GNAS-AS1: variants seen among roughly 807,000 people sequenced by gnomAD.
GNAS-AS1 encodes the protein GNAS antisense RNA 1 (non-protein coding).
chr20:58,850,454 G>T (rs940597954), intron 1 of GNAS-AS1: 9 of 397,692 alleles, frequency 2.3e-5, no homozygotes, highest in Non-Finnish European at 3.5e-5. Context: ...TGAGCGCGAG[G>T]CCTGACGAAA....
chr20:58,822,616 C>T (rs1600642684), intron 4 of GNAS-AS1, among the ~76,000 whole-genome samples: 3 of 152,150 alleles, frequency 2.0e-5, no homozygotes, highest in Admixed American at 1.3e-4. Context: ...GAGCAGCTTC[C>T]GGCTCCATCC....
chr20:58,831,609 C>T (rs1360834638), intron 4 of GNAS-AS1, among the ~76,000 whole-genome samples: 1 of 151,196 alleles, frequency 6.6e-6, no homozygotes, highest in African/African-American at 2.4e-5. Context: ...CCAGTCTGGG[C>T]GATAGAGCGA....
chr20:58,829,545 G>A (rs1417282171), intron 4 of GNAS-AS1, among the ~76,000 whole-genome samples: 1 of 152,214 alleles, frequency 6.6e-6, no homozygotes, highest in African/African-American at 2.4e-5. Context: ...CTGCTGACCT[G>A]TGAGTTTCCC....
chr20:58,832,600 G>A (rs1424331393), intron 4 of GNAS-AS1, among the ~76,000 whole-genome samples: 1 of 152,156 alleles, frequency 6.6e-6, no homozygotes, highest in Non-Finnish European at 1.5e-5. Flanking sequence ...GTCACGCTAA[G>A]ATACTGGGAA....
chr20:58,823,004 G>A lies in GNAS-AS1; in HGVS notation n.820-3749C>T, dbSNP rs148557614. On this transcript the variant is annotated intron_variant and non_coding_transcript_variant, in intron 4 of 4. Transcript: ENST00000424094. ...CTCTTGCCTGCCCGCCACCCCTGGC[G>A]CCTACTGTTTCCTCATATGATCCTC... Among the ~76,000 whole-genome samples the A allele has an allele frequency of 7.4e-3, 1,128 of 152,094 alleles. 15 individuals are homozygous for A. Among genetic ancestry groups the A allele is most frequent in the African/African-American group, 0.026 (1,082 of 41,476 alleles).
intron 2 of GNAS-AS1, among the ~76,000 whole-genome samples, chr20:58,843,691 T>C (rs1198713645): frequency 6.6e-6 from 1 of 152,186 alleles, no homozygotes; most frequent in Non-Finnish European, 1.5e-5. Context: ...CTAAACATGA[T>C]GATATGCCCC....
intron 4 of GNAS-AS1, chr20:58,826,243 A>G (rs80293718): frequency 0.023 from 9,174 of 395,032 alleles, 154 homozygotes; most frequent in Non-Finnish European, 0.028. Context: ...GAACATATAC[A>G]TTTTTTTGCA....
At chr20:58,838,515 TAATAC>T (rs930733388) in intron 4 of GNAS-AS1, among the ~76,000 whole-genome samples, 1 of 152,158 alleles carries the variant, frequency 6.6e-6, no homozygotes, top group African/African-American at 2.4e-5. Context: ...ATCCTTTCCT[TAATAC>T]AATACTTTTG....
chr20:58,836,331 C>A (rs2085602949), intron 4 of GNAS-AS1: 1 of 152,232 alleles, frequency 6.6e-6, no homozygotes, highest in African/African-American at 2.4e-5. Flanking sequence ...TGAAGGCTTT[C>A]TGCTACAACT....
chr20:58,842,607 T>G, intron 2 of GNAS-AS1: 1 of 398,102 alleles, frequency 2.5e-6, no homozygotes, highest in Non-Finnish European at 4.4e-6. Flanking sequence ...AATGTTAGTC[T>G]CAGAAGTTTG....
Position 58,840,040 on chromosome 20 carries a change from A to C in GNAS-AS1, n.819+1897T>G. 1 of 1,564,282 alleles carries C rather than the reference A, an allele frequency of 6.4e-7. No individual in the cohort carries two copies. On this transcript the variant is annotated intron_variant and non_coding_transcript_variant, in intron 4 of 4. Coordinates refer to ENST00000424094, the Ensembl canonical transcript of GNAS-AS1. The surrounding 1 kb of genome is among the most constrained non-coding windows in gnomAD (Gnocchi z 6.0). ...GTACCTTTCCCGGCTCCAGCAGCCA[A>C]TGTGCTTCGGAGCCACTCTCTGCAG...
intron 4 of GNAS-AS1, among the ~76,000 whole-genome samples, chr20:58,834,864 T>C (rs551685779): frequency 2.0e-4 from 30 of 152,310 alleles, no homozygotes; most frequent in African/African-American, 6.7e-4. Context: ...ATCCCAAAAA[T>C]GGCCTGGACA....
chr20:58,848,826 C>T (rs1409715186), intron 2 of GNAS-AS1: 2 of 398,504 alleles, frequency 5.0e-6, no homozygotes, highest in African/African-American at 4.1e-5. Context: ...TTTGGCCACA[C>T]TTCTGGGGTC....
intron 4 of GNAS-AS1, chr20:58,836,193 C>A (rs912042017): frequency 6.6e-6 from 1 of 152,246 alleles, no homozygotes; most frequent in Admixed American, 6.5e-5. Context: ...TCCAACCCCA[C>A]TTGCTCACGC....
At position 58,840,034 on chromosome 20, in the gene GNAS-AS1, C is replaced by G; in HGVS notation, n.819+1903G>C. 6.5e-7 allele frequency: 1 copy of G among 1,543,164 alleles called. No individual in the cohort carries two copies. The highest frequency in any genetic ancestry group is 1.1e-5 in the South Asian group (1 of 89,778). On this transcript the variant is annotated intron_variant and non_coding_transcript_variant, in intron 4 of 4. Coordinates refer to ENST00000424094, the Ensembl canonical transcript of GNAS-AS1. The surrounding 1 kb of genome is among the most constrained non-coding windows in gnomAD (Gnocchi z 6.0). ...TAGGGTGTACCTTTCCCGGCTCCAG[C>G]AGCCAATGTGCTTCGGAGCCACTCT...
At chr20:58,839,894 G>A in intron 4 of GNAS-AS1, 2 of 601,962 alleles carry the variant, frequency 3.3e-6, no homozygotes, top group Non-Finnish European at 5.9e-6. Context: ...TGCTCAGAGA[G>A]GCAAGCAAGG....
intron 4 of GNAS-AS1, among the ~76,000 whole-genome samples, chr20:58,829,660 C>G (rs2085541614): frequency 6.6e-6 from 1 of 152,216 alleles, no homozygotes; most frequent in Non-Finnish European, 1.5e-5. Context: ...TGCACCAACC[C>G]CCTGCTGCCA....
Position 58,846,111 on chromosome 20 carries a change from GA to G in GNAS-AS1, n.413+2767del, listed in dbSNP as rs556123520. Among the ~76,000 whole-genome samples, 17 of 152,232 alleles carry G rather than the reference GA, an allele frequency of 1.1e-4. No homozygotes were observed. The South Asian group carries it at 3.5e-3, about 32-fold the overall frequency. On this transcript the variant is annotated intron_variant and non_coding_transcript_variant, in intron 2 of 4. Coordinates refer to ENST00000424094, the Ensembl canonical transcript of GNAS-AS1. ...GAAAAGAAGAATTTGAGGGATCACA[GA>G]AAAAAAGGAAGATGTGGGTAGATAA... is the stretch of plus-strand genomic sequence containing the variant.
At chr20:58,823,867 G>A (rs952541369) in intron 4 of GNAS-AS1, among the ~76,000 whole-genome samples, 2 of 152,290 alleles carry the variant, frequency 1.3e-5, no homozygotes, top group African/African-American at 2.4e-5. Context: ...CCCTAACCGC[G>A]CCATCAGCCT....
Sources: gnomAD v4.1 joint callset for allele counts (sites outside exome capture counted in the v4.1 genomes callset) on GRCh38, gnomAD v4.1.1 for gene constraint, Gnocchi (gnomAD v3.1) non-coding constraint, MANE v1.5 for transcripts, NCBI Gene and HGNC (gene_info 2026-07-23, HGNC 2026-07-21) for gene names.